GPC6: variants seen among roughly 807,000 people sequenced by gnomAD.
GPC6 encodes glypican-6.
GPC6 carries 14 observed loss-of-function variants against 55.2 expected under a neutral mutation model. That is an observed-to-expected ratio of 0.25 (90% confidence interval 0.17 to 0.40). GPC6 has a LOEUF of 0.40. Among genes scored for constraint, GPC6 ranks in the 10% least tolerant of loss-of-function variants. The pLI is 1.00. For missense variants in GPC6, 641 were observed against 708.5 expected, an observed-to-expected ratio of 0.90 and a Z score of 1.08; for synonymous variants, 278 against 259.6, an observed-to-expected ratio of 1.07 and a Z score of -0.68.
At chr13:93,876,738 AT>A (rs569139710) in intron 3 of GPC6, among the ~76,000 whole-genome samples, 4 of 152,022 alleles carry the variant, frequency 2.6e-5, no homozygotes, top group African/African-American at 4.8e-5. Context: ...TCCAGGAAGA[AT>A]TTTTTTCTTT....
chr13:94,245,340 C>T (rs889148413), intron 4 of GPC6, among the ~76,000 whole-genome samples: 1 of 151,684 alleles, frequency 6.6e-6, no homozygotes, highest in African/African-American at 2.4e-5. Flanking sequence ...GGGAGAATTT[C>T]ATGAGGTGAG....
At chr13:93,656,215 A>G (rs1048490589) in intron 2 of GPC6, among the ~76,000 whole-genome samples, 1 of 152,174 alleles carries the variant, frequency 6.6e-6, no homozygotes, top group Non-Finnish European at 1.5e-5. Flanking sequence ...ACAAAAAGAA[A>G]CATATTGGAT....
chr13:93,346,524 G>A (rs1002900968), intron 1 of GPC6, among the ~76,000 whole-genome samples: 1 of 152,156 alleles, frequency 6.6e-6, no homozygotes, highest in Non-Finnish European at 1.5e-5. Flanking sequence ...GTTTCCCTGT[G>A]ATGTGAGGGG....
At chr13:94,122,715 C>G (rs1038402863) in intron 4 of GPC6, among the ~76,000 whole-genome samples, 1 of 152,088 alleles carries the variant, frequency 6.6e-6, no homozygotes, top group Admixed American at 6.6e-5. Flanking sequence ...CAGAAGAGAG[C>G]TATTTCCATA....
At chr13:93,964,388 A>G (rs529635213) in intron 3 of GPC6, among the ~76,000 whole-genome samples, 18 of 152,308 alleles carry the variant, frequency 1.2e-4, no homozygotes, top group African/African-American at 4.3e-4. Context: ...ATTATTATCA[A>G]TGGCAACTGG....
intron 2 of GPC6, among the ~76,000 whole-genome samples, chr13:93,759,716 A>G (rs1251736672): frequency 6.6e-6 from 1 of 152,174 alleles, no homozygotes; most frequent in Non-Finnish European, 1.5e-5. Flanking sequence ...CTAAGTGCTT[A>G]AAAACTATAG....
intron 1 of GPC6, among the ~76,000 whole-genome samples, chr13:93,298,158 A>G (rs531648471): frequency 6.6e-6 from 1 of 152,334 alleles, no homozygotes; most frequent in Admixed American, 6.5e-5. Context: ...GAACGAGCCT[A>G]TGCATAGAAT....
intron 3 of GPC6, among the ~76,000 whole-genome samples, chr13:93,919,672 A>G (rs1030593802): frequency 2.0e-5 from 3 of 152,164 alleles, no homozygotes; most frequent in Non-Finnish European, 4.4e-5. Flanking sequence ...ATGAAGTTAT[A>G]TATTGTTCTT....
chr13:94,283,886 A>G (rs1411375373), intron 4 of GPC6, among the ~76,000 whole-genome samples: 1 of 152,248 alleles, frequency 6.6e-6, no homozygotes, highest in Non-Finnish European at 1.5e-5. Context: ...AAGACAGCCC[A>G]GGATGGCAGC....
At chr13:93,280,176 G>A (rs974947066) in intron 1 of GPC6, among the ~76,000 whole-genome samples, 1 of 152,048 alleles carries the variant, frequency 6.6e-6, no homozygotes, top group African/African-American at 2.4e-5. Flanking sequence ...ATGTGGGGGG[G>A]GCCAGACCAA....
intron 1 of GPC6, among the ~76,000 whole-genome samples, chr13:93,257,708 C>A (rs1594056329): frequency 6.6e-6 from 1 of 152,156 alleles, no homozygotes; most frequent in Non-Finnish European, 1.5e-5. Context: ...GGGGCAGAGA[C>A]AATTCACTTG....
At chr13:93,755,332 C>T (rs1462393784) in intron 2 of GPC6, among the ~76,000 whole-genome samples, 3 of 152,116 alleles carry the variant, frequency 2.0e-5, no homozygotes, top group Non-Finnish European at 4.4e-5. Context: ...ATGCTGGAGG[C>T]CATGGTGGCC....
At chr13:93,438,737 A>C (rs746253033) in intron 1 of GPC6, among the ~76,000 whole-genome samples, 1 of 152,214 alleles carries the variant, frequency 6.6e-6, no homozygotes, top group Non-Finnish European at 1.5e-5. Flanking sequence ...ACAATATTAC[A>C]TAAGTTAGTT....
chr13:93,910,578 G>A (rs1226849803), intron 3 of GPC6, among the ~76,000 whole-genome samples: 3 of 152,032 alleles, frequency 2.0e-5, no homozygotes, highest in African/African-American at 7.2e-5. Context: ...TTTTATCCAC[G>A]GTTTATCACC....
intron 3 of GPC6, among the ~76,000 whole-genome samples, chr13:94,017,836 C>A (rs764296492): frequency 1.3e-5 from 2 of 151,984 alleles, no homozygotes; most frequent in African/African-American, 4.8e-5. Context: ...CACCACGACA[C>A]CCAGCAAATT....
chr13:93,789,610 T>TAATACTAC (rs1178827836), intron 2 of GPC6, among the ~76,000 whole-genome samples: 368 of 27,690 alleles, frequency 0.013, 11 homozygotes, highest in African/African-American at 0.051. Flanking sequence ...TATATATATA[T>TAATACTAC]ATATATATAT....
chr13:93,458,014 G>A (rs1878532161), intron 1 of GPC6, among the ~76,000 whole-genome samples: 1 of 152,128 alleles, frequency 6.6e-6, no homozygotes, highest in Non-Finnish European at 1.5e-5. Flanking sequence ...GCATCTTTAT[G>A]AGTAAAAGCT....
Position 93,632,910 on chromosome 13 carries a change from G to T in GPC6, c.319+87489G>T, listed in dbSNP as rs1175433293. Among the ~76,000 whole-genome samples the T allele has an allele frequency of 2.0e-5, 3 of 152,016 alleles. No individual in the cohort carries two copies. The East Asian group carries it at 5.8e-4, about 29-fold the overall frequency. On this transcript the variant is annotated intron_variant, in intron 2 of 8. Transcript: ENST00000377047. Reference sequence around the variant, plus strand: ...TAGCACTGAAAATATTTAGTTCTGAGTTTAGATCAGTCAGAAAACAAAAAT... The same window carrying T: ...TAGCACTGAAAATATTTAGTTCTGATTTTAGATCAGTCAGAAAACAAAAAT...
chr13:93,750,024 GAA>G (rs1884524329), intron 2 of GPC6, among the ~76,000 whole-genome samples: 1 of 152,068 alleles, frequency 6.6e-6, no homozygotes, highest in African/African-American at 2.4e-5. Flanking sequence ...AGAAAGTTGT[GAA>G]AAAGAAAAGG....
Sources: allele counts gnomAD v4.1 joint callset (sites outside exome capture counted in the v4.1 genomes callset), GRCh38; gene constraint gnomAD v4.1.1; transcripts MANE v1.5; gene names NCBI Gene and HGNC (gene_info 2026-07-23, HGNC 2026-07-21).